The following CANX variants were observed in gnomAD, a reference collection of about 807,000 sequenced individuals.
The protein encoded by CANX is calnexin.
Under a neutral mutation model 75.7 loss-of-function variants are expected in CANX, and 14 were observed. That is an observed-to-expected ratio of 0.19 (90% CI 0.12 to 0.29). The LOEUF (loss-of-function observed/expected upper bound fraction) is 0.29, where lower values mean the gene tolerates loss of function less well. Among genes scored for constraint, CANX ranks in the 10% least tolerant of loss-of-function variants. The pLI is 1.00. For missense variants in CANX, 567 were observed against 713.2 expected, an observed-to-expected ratio of 0.79 and a Z score of 2.34; for synonymous variants, 227 against 236.9, an observed-to-expected ratio of 0.96 and a Z score of 0.38.
upstream of CANX, chr5:179,694,382 G>A (rs1328744762): frequency 1.7e-6 from 1 of 604,822 alleles, no homozygotes; most frequent in East Asian, 2.7e-5. Context: ...AAATGGCAAA[G>A]ACGGATAAAG....
rs1035622220 is a variant in CANX at position 179,730,883 on chromosome 5, A to G, written c.*2239A>G. ...AGTACTCCTCACTTTTCAATTTGTC[A>G]TGTTACTAAATGGTGTTACATTAAA... is the stretch of plus-strand genomic sequence containing the variant. On this transcript the variant is annotated 3_prime_UTR_variant, in exon 15 of 15. Transcript: ENST00000247461. The G allele has an allele frequency of 6.6e-6, 1 of 152,158 alleles. No homozygotes were observed. Among genetic ancestry groups the G allele is most frequent in the Admixed American group, 6.5e-5 (1 of 15,276 alleles). 9.4% of individuals were successfully genotyped at this position (152,158 alleles called of 1,614,324 possible).
chr5:179,685,598 A>G (rs1461921652), intron 1 of CANX, among the ~76,000 whole-genome samples: 25 of 118,298 alleles, frequency 2.1e-4, no homozygotes, highest in African/African-American at 7.8e-4. Flanking sequence ...CTTGTTGCCC[A>G]GGCTGGAGTG....
intron 1 of CANX, among the ~76,000 whole-genome samples, chr5:179,701,938 A>G (rs1371927710): frequency 6.6e-6 from 1 of 151,484 alleles, no homozygotes; most frequent in African/African-American, 2.4e-5. Context: ...ACGGGGTTTC[A>G]CCGGGTTGTC....
chr5:179,685,363 C>T lies in CANX; in HGVS notation c.-4+6586C>T, dbSNP rs544541885. Among the ~76,000 whole-genome samples the T allele has an allele frequency of 3.9e-5, 6 of 152,074 alleles. No homozygotes were observed. The East Asian group carries it at 1.2e-3, about 29-fold the overall frequency. On this transcript the variant is annotated intron_variant, in intron 1 of 14. Coordinates refer to the CANX transcript ENST00000681674. ...AATCTTGGCTCACTGCAACCTCCAC[C>T]TCAGCCTCCCGTGTAGCTGGGATTA...
intron 6 of CANX, among the ~76,000 whole-genome samples, chr5:179,709,371 G>A (rs1468658449): frequency 3.3e-5 from 5 of 151,064 alleles, no homozygotes; most frequent in Non-Finnish European, 5.9e-5. Flanking sequence ...CCGAGATTGC[G>A]CCACTGCACT....
intron 1 of CANX, among the ~76,000 whole-genome samples, chr5:179,705,025 C>T (rs1359507038): frequency 2.0e-5 from 3 of 151,986 alleles, no homozygotes; most frequent in Non-Finnish European, 1.5e-5. Context: ...CGAACTCTTG[C>T]TCTGTCACGC....
Position 179,719,733 on chromosome 5 carries a change from AT to A in CANX, c.978del (p.Asp326GlufsTer48). On this transcript the variant is annotated frameshift_variant, in exon 9 of 15. Coordinates refer to ENST00000247461, the MANE Select transcript of CANX (RefSeq NM_001746.4). LOFTEE classifies it high-confidence loss of function. ...ACAAAACCCGAAGGCTGGTTAGATG[AT>A]GAGCCTGAGTACGTACCTGATCCAG... ...EATKPEGWLD[D>X]EPEYVPDPDA... 1.2e-6 allele frequency: 2 copies of A among 1,613,060 alleles called. No homozygotes were observed. The highest frequency in any genetic ancestry group is 1.7e-6 in the Non-Finnish European group (2 of 1,179,402).
chr5:179,682,749 G>C (rs1281768143), intron 1 of CANX, among the ~76,000 whole-genome samples: 1 of 149,700 alleles, frequency 6.7e-6, no homozygotes, highest in Admixed American at 6.7e-5. Context: ...GATACGTACA[G>C]TGAAGAAAAC....
At position 179,730,859 on chromosome 5, in the gene CANX, G is replaced by C. The variant is rs186833378; in HGVS notation, c.*2215G>C. 3.3e-5 allele frequency: 5 copies of C among 152,150 alleles called. No individual in the cohort carries two copies. Among genetic ancestry groups the C allele is most frequent in the Non-Finnish European group, 5.9e-5 (4 of 68,020 alleles). The allele number at this position is 152,150 out of a possible 1,614,324, so 9.4% of individuals were successfully genotyped here. A position where few individuals can be genotyped will look rare whatever the true frequency, so the allele number is the denominator to read the frequency against. The stretch of plus-strand genomic sequence containing the variant: ...GTTCCTCCATTTTCTTATCCACAAA[G>C]TACTCCTCACTTTTCAATTTGTCAT... On this transcript the variant is annotated 3_prime_UTR_variant, in exon 15 of 15. Transcript: ENST00000247461.
intron 1 of CANX, among the ~76,000 whole-genome samples, chr5:179,702,954 A>G (rs953945791): frequency 3.9e-5 from 6 of 151,916 alleles, no homozygotes; most frequent in African/African-American, 1.5e-4. Context: ...TTTTTAGTAG[A>G]GACAGGGTTT....
intron 2 of CANX, among the ~76,000 whole-genome samples, 160 bp from the exon 3 acceptor site, chr5:179,706,098 G>T (rs775482620): frequency 2.0e-5 from 3 of 152,176 alleles, no homozygotes; most frequent in African/African-American, 7.2e-5. Flanking sequence ...GATCTCTCTG[G>T]CAGCCTTTGT....
chr5:179,707,955 G>C (rs1777273549), intron 4 of CANX, among the ~76,000 whole-genome samples: 1 of 152,078 alleles, frequency 6.6e-6, no homozygotes, highest in Non-Finnish European at 1.5e-5. Context: ...TCCTGCCTCA[G>C]CCTACCGAGT....
chr5:179,708,170 T>G, intron 4 of CANX, 69 bp from the exon 5 acceptor site: 1 of 1,363,066 alleles, frequency 7.3e-7, no homozygotes, highest in South Asian at 1.2e-5. Flanking sequence ...TAGGAGGTGT[T>G]TTTTTTGGCA....
Position 179,730,858 on chromosome 5 carries a change from A to T in CANX, c.*2214A>T, listed in dbSNP as rs949832978. 1 of 152,214 alleles carries T rather than the reference A, an allele frequency of 6.6e-6. No homozygotes were observed. The highest frequency in any genetic ancestry group is 2.4e-5 in the African/African-American group (1 of 41,458). The allele number at this position is 152,214 out of a possible 1,614,324, so 9.4% of individuals were successfully genotyped here. ...TGTTCCTCCATTTTCTTATCCACAA[A>T]GTACTCCTCACTTTTCAATTTGTCA... On this transcript the variant is annotated 3_prime_UTR_variant, in exon 15 of 15. Transcript: ENST00000247461.
upstream of CANX, chr5:179,694,144 CAAAAAAAAA>C (rs55708497): frequency 2.1e-3 from 221 of 103,862 alleles, no homozygotes; most frequent in Middle Eastern, 0.01. Context: ...AACTCCGTCT[CAAAAAAAAA>C]AAAAAAAAAA....
intron 1 of CANX, among the ~76,000 whole-genome samples, chr5:179,679,722 G>A (rs1776005697): frequency 2.0e-5 from 3 of 152,100 alleles, no homozygotes; most frequent in South Asian, 2.1e-4. Flanking sequence ...GCAATTGCGC[G>A]ATCTTGGCTC....
Position 179,681,723 on chromosome 5 carries a change from A to C in CANX, c.-4+2946A>C, listed in dbSNP as rs568515124. On this transcript the variant is annotated intron_variant, in intron 1 of 14. Transcript: ENST00000681674. Reference sequence around the variant, plus strand: ...GTAGGGCGCCAGCTGAGGAGGGAGGAAGATAATAGGATAGATGATGAAAAT... The same window carrying C: ...GTAGGGCGCCAGCTGAGGAGGGAGGCAGATAATAGGATAGATGATGAAAAT... 2.0e-5 allele frequency among the ~76,000 whole-genome samples: 3 copies of C among 152,136 alleles called. No individual in the cohort carries two copies. In the South Asian group the frequency reaches 6.2e-4, roughly 32 times the overall value.
In CANX at chr5:179,700,571, T is replaced by G. The variant is rs927365656; in HGVS notation, c.-4+1469T>G. 2.0e-5 allele frequency: 3 copies of G among 152,702 alleles called. No homozygotes were observed. The East Asian group carries it at 5.8e-4, about 29-fold the overall frequency. The allele number at this position is 152,702 out of a possible 1,614,324, so 9.5% of individuals were successfully genotyped here. On this transcript the variant is annotated intron_variant, in intron 1 of 14. Coordinates refer to ENST00000247461, the MANE Select transcript of CANX (RefSeq NM_001746.4). The stretch of plus-strand genomic sequence containing the variant: ...TGAGAATGCTCGAGTGAACTGTGTG[T>G]GGGGGTCAGTGTTGCACAACAGAAA...
intron 1 of CANX, among the ~76,000 whole-genome samples, chr5:179,701,736 CTTTTTTTTT>C (rs558907168): frequency 1.4e-4 from 6 of 43,996 alleles, no homozygotes; most frequent in South Asian, 1.2e-3. Flanking sequence ...AACAGATGTA[CTTTTTTTTT>C]TTTTTTTTTT....
Sources: allele counts gnomAD v4.1 joint callset (sites outside exome capture counted in the v4.1 genomes callset), GRCh38; gene constraint gnomAD v4.1.1; transcripts MANE v1.5; gene names NCBI Gene and HGNC (gene_info 2026-07-23, HGNC 2026-07-21).